DCHS2: variants seen among roughly 807,000 people sequenced by gnomAD.
The protein encoded by DCHS2 is protocadherin-23.
In DCHS2, 142 loss-of-function variants were observed where a neutral mutation model predicts 182.4. The observed-to-expected ratio is 0.78, with a 90% CI of 0.68 to 0.89. The LOEUF is 0.89. Ranked by LOEUF, DCHS2 falls within the 40% of genes least tolerant of loss-of-function variation. The pLI, the probability that DCHS2 is intolerant of heterozygous loss-of-function variation, is 0.00. For missense variants in DCHS2, 4,319 were observed against 4,198.6 expected (o/e 1.03, Z -0.79); for synonymous variants, 1,740 against 1,663.3 (o/e 1.05, Z -1.12).
chr4:154,244,286 G>A (rs1016531410), intron 16 of DCHS2, among the ~76,000 whole-genome samples: 2 of 152,178 alleles, frequency 1.3e-5, no homozygotes, highest in African/African-American at 4.8e-5. Context: ...TTATATGACA[G>A]AGCTGGGATT....
intron 13 of DCHS2, among the ~76,000 whole-genome samples, chr4:154,273,133 A>T (rs1189133899): frequency 1.3e-5 from 2 of 152,174 alleles, no homozygotes; most frequent in Non-Finnish European, 2.9e-5. Context: ...TATACAAAAA[A>T]GATACCTGTG....
Position 154,489,353 on chromosome 4 carries a change from T to C in DCHS2, c.2003A>G (p.Tyr668Cys). Residue 668 changes from tyrosine to cysteine, a missense_variant, in exon 1 of 20, where the codon TAC (tyrosine) becomes TGC (cysteine). Coordinates refer to ENST00000357232, the MANE Select transcript of DCHS2 (RefSeq NM_001358235.2). ...GGCATGCTCTGCAATGGTGGCATTGTACACCTGCCTCCAGAAGATGGGCTC... is the reference window on the plus strand; with the variant it reads ...GGCATGCTCTGCAATGGTGGCATTGCACACCTGCCTCCAGAAGATGGGCTC... Reference protein sequence around the residue: ...DNEPIFWRQVYNATIAEHAPV... With the variant: ...DNEPIFWRQVCNATIAEHAPV... 2 of 1,548,212 alleles carry C rather than the reference T, an allele frequency of 1.3e-6. No individual in the cohort carries two copies. Among genetic ancestry groups the C allele is most frequent in the Non-Finnish European group, 1.7e-6 (2 of 1,144,474 alleles).
At chr4:154,381,924 T>TA (rs1219822651) in intron 1 of DCHS2, among the ~76,000 whole-genome samples, 1 of 151,960 alleles carries the variant, frequency 6.6e-6, no homozygotes, top group Non-Finnish European at 1.5e-5. Flanking sequence ...CACAGAATTA[T>TA]AAAAAACCAT....
chr4:154,248,560 A>G (rs901886140), intron 16 of DCHS2, among the ~76,000 whole-genome samples: 7 of 152,318 alleles, frequency 4.6e-5, no homozygotes, highest in African/African-American at 1.7e-4. Context: ...TCAAATTAAG[A>G]AAATATGCTT....
At chr4:154,401,863 G>A (rs1732198068) in intron 1 of DCHS2, among the ~76,000 whole-genome samples, 4 of 152,106 alleles carry the variant, frequency 2.6e-5, no homozygotes, top group South Asian at 2.1e-4. Flanking sequence ...GCATGGTGGT[G>A]CGTGCCTATA....
rs1731892785 is a variant in DCHS2 at position 154,242,830 on chromosome 4, C to T, written c.6942-58G>A. 1.1e-5 allele frequency: 17 copies of T among 1,536,570 alleles called. No individual in the cohort carries two copies. The South Asian group carries it at 1.8e-4, about 16-fold the overall frequency. On this transcript the variant is annotated intron_variant, in intron 16 of 19. Coordinates refer to ENST00000357232, the MANE Select transcript of DCHS2 (RefSeq NM_001358235.2). ...CATCATCCAGGAATTAGAAAAACAA[C>T]ATAAATATCAAATATCTAGTTGAAA...
intron 1 of DCHS2, among the ~76,000 whole-genome samples, chr4:154,438,845 A>C (rs930216869): frequency 9.2e-5 from 14 of 152,226 alleles, no homozygotes; most frequent in Non-Finnish European, 1.9e-4. Context: ...ACAGAAGAGT[A>C]AAACCAAACA....
At chr4:154,453,525 A>G (rs1190357936) in intron 1 of DCHS2, among the ~76,000 whole-genome samples, 1 of 152,046 alleles carries the variant, frequency 6.6e-6, no homozygotes. Context: ...TCTCCTCGTC[A>G]ATGCCTAAAC....
chr4:154,477,618 A>C (rs1486630569), intron 1 of DCHS2, among the ~76,000 whole-genome samples: 1 of 152,250 alleles, frequency 6.6e-6, no homozygotes, highest in Non-Finnish European at 1.5e-5. Flanking sequence ...TTGGAAAGAA[A>C]GCAATTATCA....
chr4:154,282,170 A>G (rs1426224936), intron 13 of DCHS2, among the ~76,000 whole-genome samples: 1 of 152,114 alleles, frequency 6.6e-6, no homozygotes, highest in Non-Finnish European at 1.5e-5. Context: ...AAGCAAAAAA[A>G]TAGACAAATA....
At chr4:154,402,553 G>A (rs992314104) in intron 1 of DCHS2, among the ~76,000 whole-genome samples, 2 of 152,166 alleles carry the variant, frequency 1.3e-5, no homozygotes, top group African/African-American at 2.4e-5. Context: ...TATACAGGAA[G>A]GAGGCTTAAT....
chr4:154,320,307 G>A, intron 9 of DCHS2, 72 bp downstream of exon 9: 3 of 1,531,690 alleles, frequency 2.0e-6, no homozygotes, highest in East Asian at 4.5e-5. Context: ...ACTTTGTTAG[G>A]AGGGTGGGTC....
chr4:154,333,623 T>C (rs915349856), intron 4 of DCHS2, 129 bp from the exon 5 acceptor site: 1 of 872,692 alleles, frequency 1.1e-6, no homozygotes, highest in Non-Finnish European at 1.7e-6. Context: ...TCACATATAC[T>C]ATGATGGTTC....
rs1735400735 is a variant in DCHS2 at position 154,305,333 on chromosome 4, A to C, written c.5261-102T>G. 7 of 1,351,344 alleles carry C rather than the reference A, an allele frequency of 5.2e-6. No individual in the cohort carries two copies. In the Admixed American group the frequency reaches 1.2e-4, roughly 22 times the overall value. The allele number at this position is 1,351,344 out of a possible 1,614,324, so 83.7% of individuals were successfully genotyped here. On this transcript the variant is annotated intron_variant, in intron 10 of 19. Coordinates refer to ENST00000357232, the MANE Select transcript of DCHS2 (RefSeq NM_001358235.2). ...TTGAACATGTTAGGCCATAGATGAA[A>C]ATGGCAAGATTCTCAAACAGCCTTT...
intron 7 of DCHS2, 91 bp from the exon 8 acceptor site, chr4:154,322,579 A>T: frequency 7.1e-7 from 1 of 1,410,536 alleles, no homozygotes; most frequent in Non-Finnish European, 9.3e-7. Context: ...CATTTGGAAG[A>T]TTTGTTTGCT....
At chr4:154,411,085 T>C (rs969919217) in intron 1 of DCHS2, among the ~76,000 whole-genome samples, 1 of 152,216 alleles carries the variant, frequency 6.6e-6, no homozygotes, top group African/African-American at 2.4e-5. Context: ...ATAAATGCCA[T>C]TTGCTATAAA....
intron 1 of DCHS2, among the ~76,000 whole-genome samples, chr4:154,431,039 A>T (rs1733537385): frequency 6.6e-6 from 1 of 152,104 alleles, no homozygotes; most frequent in Non-Finnish European, 1.5e-5. Context: ...CATCTCAATT[A>T]TTCTTAGCTG....
At chr4:154,311,488 G>A (rs1198817896) in intron 10 of DCHS2, among the ~76,000 whole-genome samples, 1 of 152,000 alleles carries the variant, frequency 6.6e-6, no homozygotes, top group African/African-American at 2.4e-5. Context: ...TCCCACCTCG[G>A]CCTTCCAAAG....
chr4:154,403,787 T>C (rs1732290007), intron 1 of DCHS2, among the ~76,000 whole-genome samples: 2 of 152,182 alleles, frequency 1.3e-5, no homozygotes, highest in South Asian at 2.1e-4. Flanking sequence ...ATGTCTTAAG[T>C]AGATACAGAG....
Sources: gnomAD v4.1 joint callset for allele counts (sites outside exome capture counted in the v4.1 genomes callset) on GRCh38, gnomAD v4.1.1 for gene constraint, MANE v1.5 for transcripts, NCBI Gene and HGNC (gene_info 2026-07-23, HGNC 2026-07-21) for gene names.